Variants in TRMT11 observed in about 807,000 individuals in gnomAD.
TRMT11 encodes tRNA (guanine(10)-N(2))-methyltransferase TRMT11.
A neutral mutation model predicts 62.8 loss-of-function variants in TRMT11; 53 were observed. The ratio of observed to expected loss-of-function variants is 0.84; its 90% confidence interval spans 0.68 to 1.06. TRMT11 has a LOEUF of 1.06. TRMT11 is among the 50% of genes least tolerant of loss of function. The pLI is 0.00. For synonymous variants in TRMT11, 188 were observed against 190.3 expected, an observed-to-expected ratio of 0.99 and a Z score of 0.10; for missense variants, 556 against 553.4, an observed-to-expected ratio of 1.00 and a Z score of -0.05.
At chr6:126,197,336 T>C (rs1034252814) in intron 1 of TRMT11, among the ~76,000 whole-genome samples, 4 of 152,254 alleles carry the variant, frequency 2.6e-5, no homozygotes, top group Non-Finnish European at 5.9e-5. Flanking sequence ...AAATTTTTTC[T>C]GTAATTTCAA....
chr6:126,228,251 G>T, the TRMT11 span, among the ~76,000 whole-genome samples: 1 of 152,156 alleles, frequency 6.6e-6, no homozygotes, highest in Non-Finnish European at 1.5e-5. Context: ...GTTTTAAATG[G>T]CTTGTGATCT....
At chr6:126,229,795 T>A in the TRMT11 span, among the ~76,000 whole-genome samples, 1 of 152,190 alleles carries the variant, frequency 6.6e-6, no homozygotes, top group Non-Finnish European at 1.5e-5. Flanking sequence ...TCTGTAAGTT[T>A]AACCTTCAAT....
chr6:126,185,187 A>G (rs1418374342), intron 1 of TRMT11, among the ~76,000 whole-genome samples: 2 of 152,152 alleles, frequency 1.3e-5, no homozygotes, highest in Non-Finnish European at 2.9e-5. Flanking sequence ...TCCTTGATTC[A>G]TATATTTATT....
At chr6:126,119,428 T>C (rs1029564087) in intron 21 of TRMT11, among the ~76,000 whole-genome samples, 2 of 151,446 alleles carry the variant, frequency 1.3e-5, no homozygotes, top group Admixed American at 6.6e-5. Context: ...GGAAAGGTCC[T>C]GATGCCTTAG....
At chr6:126,144,517 G>A (rs1041163713) in intron 21 of TRMT11, among the ~76,000 whole-genome samples, 1 of 152,108 alleles carries the variant, frequency 6.6e-6, no homozygotes, top group African/African-American at 2.4e-5. Context: ...TGTATGGCCG[G>A]TGCCACTGTT....
At chr6:126,164,254 G>C (rs904851085) in intron 21 of TRMT11, among the ~76,000 whole-genome samples, 1 of 152,200 alleles carries the variant, frequency 6.6e-6, no homozygotes, top group Non-Finnish European at 1.5e-5. Flanking sequence ...TCAGGAGCAG[G>C]TTGTTCAGTT....
chr6:126,218,563 C>T, the TRMT11 span, among the ~76,000 whole-genome samples: 1 of 152,182 alleles, frequency 6.6e-6, no homozygotes, highest in Non-Finnish European at 1.5e-5. Flanking sequence ...TGCCTGGTGT[C>T]CCATCCCTAC....
chr6:126,251,861 G>A, the TRMT11 span, among the ~76,000 whole-genome samples: 24 of 152,222 alleles, frequency 1.6e-4, no homozygotes, highest in African/African-American at 4.6e-4. Context: ...AATGTACTTA[G>A]TATCTTGCCC....
intron 12 of TRMT11, among the ~76,000 whole-genome samples, chr6:126,023,424 C>G (rs1796116363): frequency 6.6e-6 from 1 of 152,102 alleles, no homozygotes; most frequent in Admixed American, 6.5e-5. Flanking sequence ...CCGAGGTGGG[C>G]AGATCATGAG....
the TRMT11 span, among the ~76,000 whole-genome samples, chr6:126,241,760 A>C: frequency 6.6e-6 from 1 of 152,196 alleles, no homozygotes; most frequent in Non-Finnish European, 1.5e-5. Flanking sequence ...CATACTAAAA[A>C]CTCTCAATAA....
At chr6:126,214,925 G>A in the TRMT11 span, among the ~76,000 whole-genome samples, 2 of 151,476 alleles carry the variant, frequency 1.3e-5, no homozygotes, top group Admixed American at 1.3e-4. Flanking sequence ...TGGTATGTTT[G>A]GTTTCCATTG....
intron 1 of TRMT11, among the ~76,000 whole-genome samples, chr6:126,182,427 A>G (rs540409232): frequency 6.6e-6 from 1 of 152,122 alleles, no homozygotes; most frequent in Admixed American, 6.5e-5. Flanking sequence ...CTTACCACTC[A>G]GGAAGACCTG....
chr6:126,006,309 G>A (rs567438940), intron 7 of TRMT11, among the ~76,000 whole-genome samples: 2 of 151,330 alleles, frequency 1.3e-5, no homozygotes, highest in South Asian at 2.1e-4. Flanking sequence ...TTTTCTCTCA[G>A]CAAAACCAAA....
chr6:126,038,929 C>T lies in TRMT11; in HGVS notation c.*93C>T, dbSNP rs542612236. On this transcript the variant is annotated 3_prime_UTR_variant, in exon 13 of 13. Coordinates refer to ENST00000334379, the MANE Select transcript of TRMT11 (RefSeq NM_001031712.3). ...TCATGTATGATCCAGAAAATAGGTA[C>T]GGTTTTAAAATATTTTATATAGAAA... 312 of 1,037,660 alleles carry T rather than the reference C, an allele frequency of 3.0e-4. 2 individuals carry two copies. The African/African-American group carries it at 3.8e-3, about 13-fold the overall frequency. 64.3% of individuals were successfully genotyped at this position (1,037,660 alleles called of 1,614,324 possible).
At chr6:126,251,180 G>C in the TRMT11 span, among the ~76,000 whole-genome samples, 31 of 151,938 alleles carry the variant, frequency 2.0e-4, no homozygotes, top group South Asian at 6.5e-3. Context: ...ACAGGTGCCC[G>C]CCACTGTGCC....
chr6:126,123,799 T>C (rs960693409), intron 21 of TRMT11, among the ~76,000 whole-genome samples: 2 of 152,132 alleles, frequency 1.3e-5, no homozygotes, highest in African/African-American at 2.4e-5. Flanking sequence ...GTATAATACC[T>C]AGACCTTTAC....
rs149145267 is a variant in TRMT11, at chr6:126,151,483, T to C, written c.*1824-23342T>C. 1.5e-3 allele frequency among the ~76,000 whole-genome samples: 233 copies of C among 152,284 alleles called. 6 individuals carry two copies. The East Asian group carries it at 0.037, about 24-fold the overall frequency. ...CCATTACTGACTTTCTTCTACATCT[T>C]ACATAAAATTGTTAATTTCCTTACT... On this transcript the variant is annotated intron_variant and NMD_transcript_variant, in intron 21 of 22. Transcript: ENST00000648977.
At chr6:126,001,438 A>G (rs1792464956) in intron 7 of TRMT11, among the ~76,000 whole-genome samples, 1 of 152,022 alleles carries the variant, frequency 6.6e-6, no homozygotes, top group African/African-American at 2.4e-5. Flanking sequence ...ATTAGGTTAT[A>G]CATTCCCAGC....
At chr6:126,193,514 T>TTTTTTTA (rs1778629228) in intron 1 of TRMT11, among the ~76,000 whole-genome samples, 2 of 137,052 alleles carry the variant, frequency 1.5e-5, no homozygotes, top group African/African-American at 5.3e-5. Context: ...TTTTTTTTTT[T>TTTTTTTA]GAGACACAGT....
Sources: gnomAD v4.1 joint callset for allele counts (sites outside exome capture counted in the v4.1 genomes callset) on GRCh38, gnomAD v4.1.1 for gene constraint, MANE v1.5 for transcripts, NCBI Gene and HGNC (gene_info 2026-07-23, HGNC 2026-07-21) for gene names.